RHOBTB1: variants seen among roughly 807,000 people sequenced by gnomAD.
The protein encoded by RHOBTB1 is rho-related BTB domain-containing protein 1.
In RHOBTB1, 40 loss-of-function variants were observed where a neutral mutation model predicts 71.6. The observed-to-expected ratio is 0.56, with a 90% CI of 0.43 to 0.73. The LOEUF (loss-of-function observed/expected upper bound fraction) is 0.73. Among genes scored for constraint, RHOBTB1 ranks in the 30% least tolerant of loss-of-function variants. The pLI, the probability that RHOBTB1 is intolerant of heterozygous loss-of-function variation, is 0.00. For synonymous variants in RHOBTB1, 319 were observed against 334.9 expected (o/e 0.95, Z 0.52); for missense variants, 797 against 894.0 (o/e 0.89, Z 1.38).
At chr10:60,989,375 A>T (rs1339961760) in intron 1 of RHOBTB1, among the ~76,000 whole-genome samples, 1 of 152,208 alleles carries the variant, frequency 6.6e-6, no homozygotes, top group African/African-American at 2.4e-5. Context: ...AGTATATTTT[A>T]TGGTAGATTT....
chr10:60,963,974 T>C (rs929295278), intron 2 of RHOBTB1, among the ~76,000 whole-genome samples: 3 of 152,134 alleles, frequency 2.0e-5, no homozygotes, highest in Non-Finnish European at 2.9e-5. Flanking sequence ...TTTGTTTGCC[T>C]TGACACATCT....
intron 1 of RHOBTB1, among the ~76,000 whole-genome samples, chr10:60,992,495 T>C (rs1398253839): frequency 6.6e-6 from 1 of 152,248 alleles, no homozygotes; most frequent in African/African-American, 2.4e-5. Flanking sequence ...GGATTGTAGA[T>C]ATTCTGCTGG....
chr10:60,945,511 C>T (rs2085187179), upstream of RHOBTB1, among the ~76,000 whole-genome samples: 1 of 152,150 alleles, frequency 6.6e-6, no homozygotes, highest in Non-Finnish European at 1.5e-5. Flanking sequence ...ACTTCTTGGT[C>T]CCTCAGTTTC....
Position 60,986,294 on chromosome 10 carries a change from G to A in RHOBTB1, c.-162-349C>T, listed in dbSNP as rs545489122. On this transcript the variant is annotated intron_variant, in intron 1 of 11. Coordinates refer to the RHOBTB1 transcript ENST00000357917. ...TGTTTTGACAGTCAAATGAGATAAT[G>A]TTTGGAAAGGAATTTAGTTAACAGT... 4.1e-3 allele frequency among the ~76,000 whole-genome samples: 621 copies of A among 151,594 alleles called. 1 individual carries two copies. Among genetic ancestry groups the A allele is most frequent in the Non-Finnish European group, 6.8e-3 (461 of 67,882 alleles).
intron 2 of RHOBTB1, chr10:60,912,651 T>C (rs1438844215): frequency 6.6e-6 from 1 of 152,126 alleles, no homozygotes; most frequent in African/African-American, 2.4e-5. Flanking sequence ...GAGAGTTACT[T>C]TGGAATCTTC....
chr10:60,911,271 GCTC>G, intron 3 of RHOBTB1, 77 bp downstream of exon 3: 1 of 1,344,634 alleles, frequency 7.4e-7, no homozygotes, highest in Middle Eastern at 2.2e-4. Flanking sequence ...ATTTATCCAC[GCTC>G]CTCCTTTAGA....
At chr10:60,971,263 C>A (rs571783661) in intron 2 of RHOBTB1, among the ~76,000 whole-genome samples, 2 of 152,108 alleles carry the variant, frequency 1.3e-5, no homozygotes, top group Admixed American at 6.6e-5. Context: ...AAGAACAAAG[C>A]TGGAGGCATC....
intron 4 of RHOBTB1, among the ~76,000 whole-genome samples, chr10:60,909,688 T>C (rs956941039): frequency 1.3e-5 from 2 of 151,914 alleles, no homozygotes; most frequent in Non-Finnish European, 2.9e-5. Flanking sequence ...AACAACATTA[T>C]AGAAAGAAAA....
intron 4 of RHOBTB1, among the ~76,000 whole-genome samples, chr10:60,900,773 T>C (rs1245983874): frequency 6.6e-6 from 1 of 152,152 alleles, no homozygotes; most frequent in East Asian, 1.9e-4. Context: ...AGAATGAAAA[T>C]ATAATGTGAG....
Position 60,892,946 on chromosome 10 carries a change from T to C in RHOBTB1, c.346A>G (p.Asn116Asp). The change falls in exon 5 of 11, where the codon AAT (asparagine) becomes GAT (aspartate). Residue 116 changes from asparagine (N) to aspartate (D), a missense_variant. Transcript: ENST00000337910. ...GGATACCACATGCTTTTCACATGAT[T>C]TAGGGAATTGGGATTAGCAATCGAA... ...CFSIANPNSL[N>D]HVKSMWYPEI... The C allele has an allele frequency of 6.2e-7, 1 of 1,614,068 alleles. No individual in the cohort carries two copies.
At chr10:60,880,177 C>CTGTGTG (rs1554829436) in intron 7 of RHOBTB1, among the ~76,000 whole-genome samples, 103 of 100,606 alleles carry the variant, frequency 1.0e-3, no homozygotes, top group African/African-American at 1.5e-3. Context: ...TGAGGGATGA[C>CTGTGTG]TGTGTGTGTG....
chr10:60,908,085 A>C (rs1484020631), intron 4 of RHOBTB1, among the ~76,000 whole-genome samples: 1 of 152,204 alleles, frequency 6.6e-6, no homozygotes, highest in Non-Finnish European at 1.5e-5. Context: ...TTAAATCATA[A>C]GAGAGCAATA....
At chr10:60,908,758 G>A (rs1333614541) in intron 4 of RHOBTB1, among the ~76,000 whole-genome samples, 4 of 152,176 alleles carry the variant, frequency 2.6e-5, no homozygotes, top group African/African-American at 9.7e-5. Flanking sequence ...GAGGAGCTCT[G>A]GTTTTTATTC....
At chr10:60,867,415 T>C (rs1282867954), downstream of RHOBTB1, among the ~76,000 whole-genome samples, 1 of 152,234 alleles carries the variant, frequency 6.6e-6, no homozygotes, top group African/African-American at 2.4e-5. Context: ...ACTTAAATAC[T>C]CCTTCGAAGC....
In RHOBTB1 at chr10:60,888,477, C is replaced by T. The variant is rs1438646004; in HGVS notation, c.1191G>A (p.Met397Ile). 8 of 1,614,206 alleles carry T rather than the reference C, an allele frequency of 5.0e-6. No homozygotes were observed. The East Asian group carries it at 1.6e-4, about 31-fold the overall frequency. The change falls in exon 6 of 11, where the codon ATG becomes ATA. Residue 397 changes from methionine to isoleucine, a missense_variant. Physicochemically the swap from Met to Ile is conservative, Grantham distance 10. Transcript: ENST00000337910. ...CTGAAGCGTCCATCCTGACCACAGT[C>T]ATGGGCCCCATCCGCTTTGAAATGG... ...VNPISKRMGP[M>I]TVVRMDASVQ...
At chr10:60,910,674 A>G (rs1174705136) in intron 4 of RHOBTB1, among the ~76,000 whole-genome samples, 1 of 152,222 alleles carries the variant, frequency 6.6e-6, no homozygotes, top group Non-Finnish European at 1.5e-5. Context: ...GGTTGTTTTC[A>G]ACACAGTACT....
downstream of RHOBTB1, among the ~76,000 whole-genome samples, chr10:60,868,365 G>A (rs916459527): frequency 2.0e-5 from 3 of 152,014 alleles, no homozygotes; most frequent in South Asian, 2.1e-4. Flanking sequence ...TTCATGGAAA[G>A]GGCGGACAAA....
At chr10:60,863,828 G>C in the RHOBTB1 span, among the ~76,000 whole-genome samples, 1 of 152,132 alleles carries the variant, frequency 6.6e-6, no homozygotes, top group African/African-American at 2.4e-5. Context: ...CCACTGGCTG[G>C]TCCCTTGCAT....
At chr10:60,941,513 A>G (rs140507695) in intron 2 of RHOBTB1, among the ~76,000 whole-genome samples, 16 of 152,268 alleles carry the variant, frequency 1.1e-4, no homozygotes, top group African/African-American at 3.6e-4. Flanking sequence ...AAGCATCCAG[A>G]TCCCCAGTAT....
Sources: gnomAD v4.1 joint callset for allele counts (sites outside exome capture counted in the v4.1 genomes callset) on GRCh38, gnomAD v4.1.1 for gene constraint, MANE v1.5 for transcripts, NCBI Gene and HGNC (gene_info 2026-07-23, HGNC 2026-07-21) for gene names.